The following TSPAN18 variants were observed in gnomAD, a reference collection of about 807,000 sequenced individuals.
TSPAN18 encodes the protein tetraspanin-18.
Under a neutral mutation model 27.3 loss-of-function variants are expected in TSPAN18, and 14 were observed. That is an observed-to-expected ratio of 0.51 (90% CI 0.34 to 0.80). The LOEUF is 0.80. Ranked by LOEUF, TSPAN18 falls within the 30% of genes least tolerant of loss-of-function variation. The pLI, the probability that TSPAN18 is intolerant of heterozygous loss-of-function variation, is 0.01. For synonymous variants in TSPAN18, 143 were observed against 136.5 expected, an observed-to-expected ratio of 1.05 and a Z score of -0.33; for missense variants, 268 against 323.9, an observed-to-expected ratio of 0.83 and a Z score of 1.32.
At chr11:44,756,261 G>A (rs1053961725) in intron 1 of TSPAN18, among the ~76,000 whole-genome samples, 1 of 143,524 alleles carries the variant, frequency 7.0e-6, no homozygotes, top group African/African-American at 2.5e-5. Context: ...TGTTGTGTGT[G>A]TGTGGAGGGG....
chr11:44,831,847 T>C (rs1857161213), intron 2 of TSPAN18, among the ~76,000 whole-genome samples: 1 of 152,028 alleles, frequency 6.6e-6, no homozygotes, highest in South Asian at 2.1e-4. Flanking sequence ...GGACAGCTGG[T>C]CCAGGAAGCC....
intron 2 of TSPAN18, among the ~76,000 whole-genome samples, chr11:44,852,141 T>C (rs1292596248): frequency 6.6e-6 from 1 of 152,242 alleles, no homozygotes; most frequent in Non-Finnish European, 1.5e-5. Context: ...GGTCGAGTAC[T>C]GTATGCCATG....
At chr11:44,815,850 C>T (rs71491845) in intron 2 of TSPAN18, among the ~76,000 whole-genome samples, 27,289 of 152,002 alleles carry the variant, frequency 0.18, 3,224 homozygotes, top group Non-Finnish European at 0.26. Context: ...TGTGCCGGGC[C>T]GAGAGACCAG....
At chr11:44,853,625 C>T (rs1051035486) in intron 2 of TSPAN18, among the ~76,000 whole-genome samples, 2 of 152,194 alleles carry the variant, frequency 1.3e-5, no homozygotes, top group African/African-American at 4.8e-5. Flanking sequence ...CAGCCAATAA[C>T]TGGTAGAGCC....
chr11:44,824,764 T>C (rs835825), intron 2 of TSPAN18, among the ~76,000 whole-genome samples: 6,255 of 152,218 alleles, frequency 0.041, 193 homozygotes, highest in African/African-American at 0.074. Flanking sequence ...GTGGCTGTTA[T>C]TGTTGAGATA....
intron 3 of TSPAN18, among the ~76,000 whole-genome samples, chr11:44,870,395 C>G (rs1344157583): frequency 1.3e-5 from 2 of 152,310 alleles, no homozygotes; most frequent in Non-Finnish European, 2.9e-5. Flanking sequence ...CCTGTCTCCC[C>G]ACAGCCAGCT....
intron 2 of TSPAN18, among the ~76,000 whole-genome samples, chr11:44,777,612 G>A (rs931488932): frequency 6.6e-6 from 1 of 152,144 alleles, no homozygotes; most frequent in African/African-American, 2.4e-5. Context: ...TGTCTTTAAT[G>A]GGAAGGCTGA....
intron 2 of TSPAN18, among the ~76,000 whole-genome samples, chr11:44,802,216 C>A (rs1172188706): frequency 6.6e-6 from 1 of 151,642 alleles, no homozygotes; most frequent in Non-Finnish European, 1.5e-5. Context: ...CCCTGGGGGT[C>A]TTTGGTGGGT....
intron 2 of TSPAN18, among the ~76,000 whole-genome samples, chr11:44,782,545 CAAAA>C (rs71038822): frequency 9.0e-6 from 1 of 110,686 alleles, no homozygotes; most frequent in Admixed American, 9.6e-5. Flanking sequence ...TCCGTCTCCA[CAAAA>C]AAAAAAAAAA....
At chr11:44,904,139 C>G (rs937025848) in intron 3 of TSPAN18, among the ~76,000 whole-genome samples, 2 of 152,248 alleles carry the variant, frequency 1.3e-5, no homozygotes, top group Non-Finnish European at 2.9e-5. Context: ...GTCAGGTTCA[C>G]CCCATGATTT....
intron 6 of TSPAN18, among the ~76,000 whole-genome samples, chr11:44,919,013 T>G (rs1860023249): frequency 6.6e-6 from 1 of 151,784 alleles, no homozygotes; most frequent in Non-Finnish European, 1.5e-5. Flanking sequence ...TGTGCATGTG[T>G]ATGGACTTCC....
chr11:44,908,793 AAG>A (rs1296197121), intron 4 of TSPAN18, among the ~76,000 whole-genome samples: 2 of 116,434 alleles, frequency 1.7e-5, no homozygotes, highest in African/African-American at 7.3e-5. Context: ...GAAAGAAAGA[AAG>A]AAAGAAAGAA....
At chr11:44,779,536 T>G (rs1167211547) in intron 2 of TSPAN18, among the ~76,000 whole-genome samples, 6 of 152,108 alleles carry the variant, frequency 3.9e-5, no homozygotes, top group Non-Finnish European at 7.4e-5. Context: ...ATCAATCTCA[T>G]GGAGAAAATG....
At chr11:44,821,925 G>T (rs943950790) in intron 2 of TSPAN18, among the ~76,000 whole-genome samples, 2 of 152,234 alleles carry the variant, frequency 1.3e-5, no homozygotes, top group African/African-American at 2.4e-5. Context: ...TATCAGAACT[G>T]CAATCTCGAC....
At chr11:44,893,180 A>T (rs894617614) in intron 3 of TSPAN18, among the ~76,000 whole-genome samples, 1 of 152,250 alleles carries the variant, frequency 6.6e-6, no homozygotes, top group Non-Finnish European at 1.5e-5. Flanking sequence ...TGGCAGGGAC[A>T]GGGTGCCCAT....
At position 44,727,048 on chromosome 11, in the gene TSPAN18, G is replaced by C. The variant is rs199706979; in HGVS notation, c.-479G>C. ...CGCGGAGCCGCGCGAGGCCGCCCGA[G>C]CCCCAGCCCCGGCCCCGGCCCCAGC... On this transcript the variant is annotated 5_prime_UTR_variant, in exon 1 of 10. Coordinates refer to ENST00000520358, the MANE Select transcript of TSPAN18 (RefSeq NM_130783.5). 0.13 allele frequency: 18,391 copies of C among 137,846 alleles called. 2,419 individuals are homozygous for C. The highest frequency in any genetic ancestry group is 0.7 in the East Asian group (3,376 of 4,854). 8.5% of individuals were successfully genotyped at this position (137,846 alleles called of 1,614,324 possible). A position where few individuals can be genotyped will look rare whatever the true frequency, so the allele number is the denominator to read the frequency against.
intron 2 of TSPAN18, among the ~76,000 whole-genome samples, chr11:44,783,343 C>T (rs1222706804): frequency 1.3e-5 from 2 of 151,862 alleles, no homozygotes; most frequent in South Asian, 2.1e-4. Flanking sequence ...AGGAAAGCTA[C>T]AGACTGGAAG....
chr11:44,814,010 C>G (rs933842620), intron 2 of TSPAN18, among the ~76,000 whole-genome samples: 1 of 152,182 alleles, frequency 6.6e-6, no homozygotes, highest in African/African-American at 2.4e-5. Flanking sequence ...AGCAAAGCCA[C>G]TTTTTCAAAG....
At chr11:44,747,335 A>G (rs956640010) in intron 1 of TSPAN18, among the ~76,000 whole-genome samples, 4 of 152,122 alleles carry the variant, frequency 2.6e-5, no homozygotes. Context: ...TCGACTTTTT[A>G]TTTAATCCCA....
Sources: allele counts gnomAD v4.1 joint callset (sites outside exome capture counted in the v4.1 genomes callset), GRCh38; gene constraint gnomAD v4.1.1; transcripts MANE v1.5; gene names NCBI Gene and HGNC (gene_info 2026-07-23, HGNC 2026-07-21).